AKAP12: variants seen among roughly 807,000 people sequenced by gnomAD.
AKAP12 encodes the protein A-kinase anchor protein 12.
A neutral mutation model predicts 79.9 loss-of-function variants in AKAP12; 32 were observed. That is an observed-to-expected ratio of 0.40 (90% confidence interval 0.30 to 0.54). AKAP12 has a LOEUF of 0.54. Among genes scored for constraint, AKAP12 ranks in the 20% least tolerant of loss-of-function variants. The pLI, the probability that AKAP12 is intolerant of heterozygous loss-of-function variation, is 0.48. For synonymous variants in AKAP12, 808 were observed against 857.0 expected, an observed-to-expected ratio of 0.94 and a Z score of 1.00; for missense variants, 2,074 against 2,177.0, an observed-to-expected ratio of 0.95 and a Z score of 0.94.
At chr6:151,332,860 C>A (rs1413094354) in intron 3 of AKAP12, among the ~76,000 whole-genome samples, 1 of 152,238 alleles carries the variant, frequency 6.6e-6, no homozygotes, top group Non-Finnish European at 1.5e-5. Flanking sequence ...GGCCGAACCT[C>A]AGCACCAGTG....
intron 2 of AKAP12, among the ~76,000 whole-genome samples, chr6:151,280,984 A>G (rs17081017): frequency 0.095 from 14,452 of 152,194 alleles, 834 homozygotes; most frequent in East Asian, 0.18. Flanking sequence ...CTAAAGATAT[A>G]TACAGTTAAC....
chr6:151,333,967 T>TG (rs1176508332), intron 3 of AKAP12, among the ~76,000 whole-genome samples: 2 of 151,524 alleles, frequency 1.3e-5, no homozygotes, highest in East Asian at 3.9e-4. Context: ...GACCCATACT[T>TG]GGGGTAAAGG....
chr6:151,289,247 A>G (rs1460884442), intron 2 of AKAP12, among the ~76,000 whole-genome samples: 1 of 152,202 alleles, frequency 6.6e-6, no homozygotes, highest in Non-Finnish European at 1.5e-5. Context: ...GCAGACGGGG[A>G]AATTCAAACT....
chr6:151,333,959 C>T (rs929410348), intron 3 of AKAP12, among the ~76,000 whole-genome samples: 2 of 151,854 alleles, frequency 1.3e-5, no homozygotes, highest in South Asian at 2.1e-4. Context: ...CCACCTTTGA[C>T]CCATACTTGG....
In AKAP12 at chr6:151,357,383, G is replaced by C; in HGVS notation, c.*1669G>C. ...TTATCTACTCTTGACACACAGAACT[G>C]GCCTGGCATATAGCTTTCCAGATTT... is the stretch of plus-strand genomic sequence containing the variant. On this transcript the variant is annotated 3_prime_UTR_variant, in exon 5 of 5. Coordinates refer to ENST00000402676, the MANE Select transcript of AKAP12 (RefSeq NM_005100.4). 6.6e-6 allele frequency: 1 copy of C among 152,116 alleles called. No homozygotes were observed. The highest frequency in any genetic ancestry group is 1.5e-5 in the Non-Finnish European group (1 of 68,044). The allele number at this position is 152,116 out of a possible 1,614,324, so 9.4% of individuals were successfully genotyped here. A position where few individuals can be genotyped will look rare whatever the true frequency, so the allele number is the denominator to read the frequency against.
intron 2 of AKAP12, among the ~76,000 whole-genome samples, chr6:151,290,749 G>T (rs1776601507): frequency 2.0e-5 from 3 of 152,130 alleles, no homozygotes; most frequent in Non-Finnish European, 2.9e-5. Context: ...GGGATTACAG[G>T]CATGCGCCAC....
chr6:151,321,338 C>T (rs1210176093), intron 3 of AKAP12, among the ~76,000 whole-genome samples: 1 of 152,116 alleles, frequency 6.6e-6, no homozygotes, highest in Non-Finnish European at 1.5e-5. Flanking sequence ...AGCTGTCACT[C>T]CCTCTCCCGC....
chr6:151,355,458 A>G (rs770979213), intron 4 of AKAP12, among the ~76,000 whole-genome samples: 2 of 152,084 alleles, frequency 1.3e-5, no homozygotes, highest in African/African-American at 4.8e-5. Context: ...GCATGCCACC[A>G]TGCCCAGCTT....
intron 3 of AKAP12, chr6:151,324,582 A>G (rs1234708915): frequency 1.0e-6 from 1 of 985,394 alleles, no homozygotes; most frequent in Non-Finnish European, 1.2e-6. Flanking sequence ...ATAATGAACA[A>G]GATCTTCATT....
chr6:151,330,077 C>A (rs1777628362), intron 3 of AKAP12, among the ~76,000 whole-genome samples: 1 of 152,178 alleles, frequency 6.6e-6, no homozygotes, highest in African/African-American at 2.4e-5. Context: ...AATCCCAGCA[C>A]TTTGGGAGGC....
intron 2 of AKAP12, among the ~76,000 whole-genome samples, chr6:151,254,407 A>G (rs1029423691): frequency 8.6e-5 from 13 of 151,638 alleles, no homozygotes; most frequent in African/African-American, 3.1e-4. Context: ...GCTGGAGTGC[A>G]GTTGTGTGAT....
rs535582661 is a variant in AKAP12 at position 151,332,219 on chromosome 6, G to C, written c.320-16492G>C. Among the ~76,000 whole-genome samples the C allele has an allele frequency of 1.1e-4, 17 of 151,792 alleles. No individual in the cohort carries two copies. The South Asian group carries it at 3.5e-3, about 32-fold the overall frequency. The stretch of plus-strand genomic sequence containing the variant: ...ATCTGGCTAAATTTTTGTATTTTTA[G>C]TAGAGATGGGGTTTCACCGTGTTAG... On this transcript the variant is annotated intron_variant, in intron 3 of 4. Transcript: ENST00000402676.
At chr6:151,354,988 G>A (rs1320045123) in intron 4 of AKAP12, among the ~76,000 whole-genome samples, 2 of 151,682 alleles carry the variant, frequency 1.3e-5, no homozygotes, top group East Asian at 1.9e-4. Flanking sequence ...ACCCATCTTC[G>A]TTTTCTTTTG....
intron 3 of AKAP12, among the ~76,000 whole-genome samples, chr6:151,334,465 A>G (rs892194194): frequency 1.7e-4 from 26 of 151,892 alleles, no homozygotes; most frequent in Admixed American, 5.2e-4. Flanking sequence ...CGTGGTGGTG[A>G]GTGCCTGTAG....
At position 151,324,464 on chromosome 6, in the gene AKAP12, C is replaced by T. The variant is rs1008266049; in HGVS notation, c.319+18561C>T. ...CTACGTGCCATGCCAGCCAGCTCTC[C>T]TGGACTTCCATTTTTCCCTGATTCT... On this transcript the variant is annotated intron_variant, in intron 3 of 4. Coordinates refer to ENST00000402676, the MANE Select transcript of AKAP12 (RefSeq NM_005100.4). The T allele has an allele frequency of 2.0e-5, 20 of 985,442 alleles. 1 individual carries two copies. In the South Asian group the frequency reaches 8.9e-4, roughly 44 times the overall value. The allele number at this position is 985,442 out of a possible 1,614,324, so 61.0% of individuals were successfully genotyped here. A position where few individuals can be genotyped will look rare whatever the true frequency, so the allele number is the denominator to read the frequency against.
chr6:151,341,154 C>T (rs1274775228), intron 3 of AKAP12, among the ~76,000 whole-genome samples: 6 of 151,734 alleles, frequency 4.0e-5, no homozygotes, highest in African/African-American at 9.7e-5. Context: ...CTGGTTCAAC[C>T]GATTCTCCTG....
intron 2 of AKAP12, among the ~76,000 whole-genome samples, chr6:151,274,988 C>T (rs946548471): frequency 2.6e-5 from 4 of 152,100 alleles, no homozygotes; most frequent in Non-Finnish European, 5.9e-5. Context: ...CCTGAAGTCC[C>T]AGCTACTTGG....
chr6:151,317,692 G>A (rs1265595596), intron 3 of AKAP12, among the ~76,000 whole-genome samples: 2 of 152,334 alleles, frequency 1.3e-5, no homozygotes, highest in Non-Finnish European at 2.9e-5. Flanking sequence ...GCTGGTATAA[G>A]GGAATCCCTT....
In AKAP12 at chr6:151,324,662, T is replaced by G. The variant is rs1045394738; in HGVS notation, c.319+18759T>G. ...TAGGGGAAGAGCTGGTGTTAATGGGTCAGGCAGGCAAGGCATGAAGTGATA... is the reference window on the plus strand; with the variant it reads ...TAGGGGAAGAGCTGGTGTTAATGGGGCAGGCAGGCAAGGCATGAAGTGATA... On this transcript the variant is annotated intron_variant, in intron 3 of 4. Transcript: ENST00000402676. 5 of 985,080 alleles carry G rather than the reference T, an allele frequency of 5.1e-6. No homozygotes were observed. The African/African-American group carries it at 8.7e-5, about 17-fold the overall frequency. The allele number at this position is 985,080 out of a possible 1,614,324, so 61.0% of individuals were successfully genotyped here.
Sources: allele counts gnomAD v4.1 joint callset (sites outside exome capture counted in the v4.1 genomes callset), GRCh38; gene constraint gnomAD v4.1.1; transcripts MANE v1.5; gene names NCBI Gene and HGNC (gene_info 2026-07-23, HGNC 2026-07-21).